The following CD99 variants were observed in gnomAD, a reference collection of about 807,000 sequenced individuals.
CD99 encodes the protein CD99 molecule (Xg blood group).
Under a neutral mutation model 28.4 loss-of-function variants are expected in CD99, and 19 were observed. That is an observed-to-expected ratio of 0.67 (90% CI 0.47 to 0.98). The LOEUF (loss-of-function observed/expected upper bound fraction) is 0.98. Among genes scored for constraint, CD99 ranks in the 50% least tolerant of loss-of-function variants. CD99 has a pLI of 0.00. For missense variants in CD99, 283 were observed against 248.8 expected (o/e 1.14, Z -0.92); for synonymous variants, 103 against 92.1 (o/e 1.12, Z -0.67).
chrX:2,693,688 G>T (rs2047439670), intron 1 of CD99, among the ~76,000 whole-genome samples: 1 of 152,140 alleles, frequency 6.6e-6, no homozygotes, highest in South Asian at 2.1e-4. Context: ...GGGACCCTGT[G>T]TTCCTTGGTT....
intron 8 of CD99, among the ~76,000 whole-genome samples, chrX:2,729,490 A>G (rs1468783300): frequency 6.6e-6 from 1 of 152,112 alleles, no homozygotes; most frequent in Non-Finnish European, 1.5e-5. Flanking sequence ...TATCACGAGA[A>G]CAGCATGGGG....
chrX:2,692,201 A>C (rs1349813887), intron 1 of CD99: 3 of 467,634 alleles, frequency 6.4e-6, no homozygotes, highest in South Asian at 2.9e-5. Flanking sequence ...TGAAACGGAA[A>C]CGGAGACCCT....
At chrX:2,728,604 A>T (rs1029792316) in intron 8 of CD99, among the ~76,000 whole-genome samples, 1 of 152,192 alleles carries the variant, frequency 6.6e-6, no homozygotes, top group Admixed American at 6.5e-5. Flanking sequence ...GTTGGAAAAA[A>T]GCAAACAGCA....
At chrX:2,698,875 C>T (rs2124473970) in intron 1 of CD99, among the ~76,000 whole-genome samples, 1 of 152,154 alleles carries the variant, frequency 6.6e-6, no homozygotes, top group African/African-American at 2.4e-5. Context: ...GGAAACGTCA[C>T]TCTTGCCCAG....
intron 1 of CD99, among the ~76,000 whole-genome samples, chrX:2,701,372 CCT>C (rs2047855645): frequency 6.6e-6 from 1 of 152,166 alleles, no homozygotes. Flanking sequence ...TGCTGTGGTC[CCT>C]GTTTTTTGTT....
At chrX:2,710,946 C>T (rs960640779) in intron 1 of CD99, among the ~76,000 whole-genome samples, 2 of 143,452 alleles carry the variant, frequency 1.4e-5, no homozygotes, top group Admixed American at 1.5e-4. Flanking sequence ...TCTCTGCTCA[C>T]TGCAACCTCT....
chrX:2,728,060 A>G (rs2049385111), intron 8 of CD99, among the ~76,000 whole-genome samples: 1 of 152,086 alleles, frequency 6.6e-6, no homozygotes, highest in Non-Finnish European at 1.5e-5. Flanking sequence ...AGAGTCCTAA[A>G]CAGCTTTCGG....
In CD99 at chrX:2,714,461, A is replaced by G. The variant is rs748523357; in HGVS notation, c.100+7A>G. On this transcript the variant is annotated splice_region_variant and intron_variant, in intron 2 of 9. Coordinates refer to ENST00000381192, the MANE Select transcript of CD99 (RefSeq NM_002414.5). ...TTATCCGATGCCCTTCCTGGTGAGT[A>G]TCAACATCATTTTTTAAAATCCCGT... 4 of 1,596,836 alleles carry G rather than the reference A, an allele frequency of 2.5e-6. No homozygotes were observed. The highest frequency in any genetic ancestry group is 2.2e-5 in the East Asian group (1 of 44,752).
At chrX:2,735,417 C>G (rs1369217868) in intron 8 of CD99, among the ~76,000 whole-genome samples, 1 of 152,144 alleles carries the variant, frequency 6.6e-6, no homozygotes, top group African/African-American at 2.4e-5. Flanking sequence ...TACGGAGCAT[C>G]TCATGAGACC....
chrX:2,724,317 T>A (rs2049159748), intron 7 of CD99, among the ~76,000 whole-genome samples: 1 of 152,206 alleles, frequency 6.6e-6, no homozygotes, highest in African/African-American at 2.4e-5. Flanking sequence ...CCTGCACATA[T>A]TAAAAACTGG....
intron 1 of CD99, among the ~76,000 whole-genome samples, chrX:2,708,539 C>T (rs940806742): frequency 1.3e-5 from 2 of 152,110 alleles, no homozygotes; most frequent in Non-Finnish European, 2.9e-5. Flanking sequence ...CCTCTGGTGT[C>T]CTTGTCCTTC....
intron 1 of CD99, among the ~76,000 whole-genome samples, chrX:2,702,367 A>G (rs920687255): frequency 6.6e-6 from 1 of 151,234 alleles, no homozygotes; most frequent in African/African-American, 2.4e-5. Context: ...CCCATGGTGT[A>G]ACAACCAAAT....
At chrX:2,698,789 C>G (rs2047697488) in intron 1 of CD99, among the ~76,000 whole-genome samples, 1 of 152,182 alleles carries the variant, frequency 6.6e-6, no homozygotes, top group Admixed American at 6.5e-5. Flanking sequence ...AGACACAAAC[C>G]TGCTTGACCA....
intron 1 of CD99, among the ~76,000 whole-genome samples, chrX:2,698,391 A>T (rs2047677687): frequency 6.7e-6 from 1 of 149,006 alleles, no homozygotes; most frequent in Admixed American, 6.7e-5. Context: ...CTGGTCTTGA[A>T]CTCCTGGGCT....
intron 8 of CD99, among the ~76,000 whole-genome samples, chrX:2,730,852 C>T (rs2049560269): frequency 6.6e-6 from 1 of 150,612 alleles, no homozygotes; most frequent in South Asian, 2.1e-4. Flanking sequence ...ATTGCTTGAA[C>T]CCGGGAGGCA....
intron 8 of CD99, among the ~76,000 whole-genome samples, chrX:2,729,604 C>T (rs1454645687): frequency 1.3e-5 from 2 of 152,126 alleles, no homozygotes; most frequent in African/African-American, 4.8e-5. Context: ...GACACAGAGG[C>T]TCACCATATC....
intron 1 of CD99, among the ~76,000 whole-genome samples, chrX:2,713,259 C>T (rs1428062437): frequency 6.6e-6 from 1 of 151,962 alleles, no homozygotes; most frequent in Non-Finnish European, 1.5e-5. Context: ...CTGTGCACAC[C>T]TACATATGCA....
At position 2,720,404 on chromosome X, in the gene CD99, C is replaced by T. The variant is rs755461615; in HGVS notation, c.242C>T (p.Pro81Leu). The change falls in exon 5 of 10, where the codon CCC (proline) becomes CTC (leucine). Residue 81 changes from proline to leucine, a missense_variant. By Grantham distance (98) the Pro-to-Leu change is moderately conservative. Coordinates refer to ENST00000381192, the MANE Select transcript of CD99 (RefSeq NM_002414.5). ...NPPKPMPNPN[P>L]NHPSSSGSFS... ...CCCAAACCGATGCCAAATCCAAACC[C>T]CAACCACCCTAGTTCCTCCGGTAAG... 1.9e-6 allele frequency: 3 copies of T among 1,613,798 alleles called. No individual in the cohort carries two copies. In the South Asian group the frequency reaches 3.3e-5, roughly 18 times the overall value.
At chrX:2,728,197 T>G (rs1239049754) in intron 8 of CD99, among the ~76,000 whole-genome samples, 1 of 146,684 alleles carries the variant, frequency 6.8e-6, no homozygotes, top group Non-Finnish European at 1.5e-5. Flanking sequence ...TGTTTGGTTG[T>G]TTCTTTTTTT....
Sources: allele counts gnomAD v4.1 joint callset (sites outside exome capture counted in the v4.1 genomes callset), GRCh38; gene constraint gnomAD v4.1.1; transcripts MANE v1.5; gene names NCBI Gene and HGNC (gene_info 2026-07-23, HGNC 2026-07-21).